Variants in IGF2BP2 observed in about 807,000 individuals in gnomAD.
IGF2BP2 encodes the protein insulin-like growth factor 2 mRNA-binding protein 2.
Under a neutral mutation model 75.8 loss-of-function variants are expected in IGF2BP2, and 17 were observed. That is an observed-to-expected ratio of 0.22 (90% CI 0.15 to 0.34). IGF2BP2 has a LOEUF of 0.34. Among genes scored for constraint, IGF2BP2 ranks in the 10% least tolerant of loss-of-function variants. The pLI, the probability that IGF2BP2 is intolerant of heterozygous loss-of-function variation, is 1.00. For synonymous variants in IGF2BP2, 288 were observed against 295.6 expected (o/e 0.97, Z 0.26); for missense variants, 516 against 772.4 (o/e 0.67, Z 3.93).
intron 2 of IGF2BP2, among the ~76,000 whole-genome samples, chr3:185,718,675 ACT>A (rs1289968939): frequency 8.8e-6 from 1 of 113,388 alleles, no homozygotes; most frequent in Non-Finnish European, 1.7e-5. Context: ...ACAGAGCGAG[ACT>A]CTGTCTCAAA....
At chr3:185,822,790 T>A (rs1269865227) in intron 2 of IGF2BP2, among the ~76,000 whole-genome samples, 1 of 151,988 alleles carries the variant, frequency 6.6e-6, no homozygotes, top group Non-Finnish European at 1.5e-5. Flanking sequence ...ATATTTACTC[T>A]TCACATCTCA....
intron 9 of IGF2BP2, among the ~76,000 whole-genome samples, chr3:185,673,280 C>T (rs984248169): frequency 3.3e-5 from 5 of 152,198 alleles, no homozygotes; most frequent in African/African-American, 1.2e-4. Context: ...TACTTAGTGT[C>T]GTGTTCTCAG....
chr3:185,652,302 G>A, intron 12 of IGF2BP2, 134 bp from the exon 13 acceptor site: 1 of 710,292 alleles, frequency 1.4e-6, no homozygotes, highest in Non-Finnish European at 2.3e-6. Flanking sequence ...GGTTCTGTCT[G>A]ATGCCATGCT....
At chr3:185,808,319 A>G (rs1040358965) in intron 2 of IGF2BP2, among the ~76,000 whole-genome samples, 3 of 110,646 alleles carry the variant, frequency 2.7e-5, no homozygotes, top group African/African-American at 1.9e-4. Context: ...TACTAAAAAT[A>G]CAAAAAAAAA....
intron 2 of IGF2BP2, among the ~76,000 whole-genome samples, chr3:185,725,523 C>T (rs866298661): frequency 6.6e-6 from 1 of 152,082 alleles, no homozygotes; most frequent in African/African-American, 2.4e-5. Context: ...GAACTACTAG[C>T]GGAACTTGAC....
chr3:185,712,918 T>A (rs1023662466), intron 2 of IGF2BP2, among the ~76,000 whole-genome samples: 2 of 152,110 alleles, frequency 1.3e-5, no homozygotes, highest in African/African-American at 4.8e-5. Context: ...ATTTCTTCCC[T>A]CTCCTAAAAC....
At chr3:185,779,289 A>T (rs1391639322) in intron 2 of IGF2BP2, among the ~76,000 whole-genome samples, 1 of 152,212 alleles carries the variant, frequency 6.6e-6, no homozygotes, top group Non-Finnish European at 1.5e-5. Flanking sequence ...TTCTATTTTC[A>T]AAGTGTATTG....
At chr3:185,702,872 G>A in intron 2 of IGF2BP2, among the ~76,000 whole-genome samples, 1 of 152,212 alleles carries the variant, frequency 6.6e-6, no homozygotes, top group East Asian at 1.9e-4. Context: ...GCAGGAACAT[G>A]TCTTTATTTC....
At chr3:185,721,383 G>A (rs1231365297) in intron 2 of IGF2BP2, among the ~76,000 whole-genome samples, 1 of 151,854 alleles carries the variant, frequency 6.6e-6, no homozygotes. Context: ...TGTATTTCTA[G>A]TAGAGACGGG....
At chr3:185,767,777 G>A (rs1466833565) in intron 2 of IGF2BP2, 1 of 154,106 alleles carries the variant, frequency 6.5e-6, no homozygotes, top group Non-Finnish European at 1.5e-5. Context: ...ATGATTTCAT[G>A]TACTGTTCAG....
chr3:185,768,975 T>G (rs978369115), intron 2 of IGF2BP2, among the ~76,000 whole-genome samples: 30 of 152,250 alleles, frequency 2.0e-4, no homozygotes, highest in African/African-American at 6.7e-4. Flanking sequence ...TGCAGTGAGC[T>G]GAGATTACGC....
At chr3:185,663,755 C>T (rs1435619438) in intron 10 of IGF2BP2, among the ~76,000 whole-genome samples, 1 of 152,052 alleles carries the variant, frequency 6.6e-6, no homozygotes, top group Non-Finnish European at 1.5e-5. Flanking sequence ...ATCTTTATTA[C>T]TTATTTTCTT....
intron 10 of IGF2BP2, among the ~76,000 whole-genome samples, chr3:185,662,829 C>A (rs1716687242): frequency 6.6e-6 from 1 of 152,026 alleles, no homozygotes. Context: ...AGGCTTGAGC[C>A]ACTGCAGCTG....
intron 2 of IGF2BP2, among the ~76,000 whole-genome samples, chr3:185,773,184 A>C (rs1307281554): frequency 3.3e-5 from 5 of 152,210 alleles, no homozygotes; most frequent in African/African-American, 9.6e-5. Flanking sequence ...ATAGCTGGCC[A>C]CATTTTTATA....
At chr3:185,683,116 A>G (rs1720626714) in intron 7 of IGF2BP2, among the ~76,000 whole-genome samples, 1 of 152,236 alleles carries the variant, frequency 6.6e-6, no homozygotes, top group Admixed American at 6.5e-5. Context: ...TGGCCATAAA[A>G]AGGAAGGAAA....
chr3:185,696,352 G>T lies in IGF2BP2; in HGVS notation c.340+260C>A, dbSNP rs528705182. On this transcript the variant is annotated intron_variant, in intron 4 of 15. Coordinates refer to ENST00000382199, the MANE Select transcript of IGF2BP2 (RefSeq NM_006548.6). ...AGCCTGACAGCGTTTGTCAGTGCTT[G>T]AGCACACTGCACAGTATATGAGAAA... 1.9e-5 allele frequency: 8 copies of T among 429,220 alleles called. No individual in the cohort carries two copies. The East Asian group carries it at 2.9e-4, about 15-fold the overall frequency. The allele number at this position is 429,220 out of a possible 1,614,324, so 26.6% of individuals were successfully genotyped here. A position where few individuals can be genotyped will look rare whatever the true frequency, so the allele number is the denominator to read the frequency against.
chr3:185,688,856 A>G (rs1008829869), intron 6 of IGF2BP2, among the ~76,000 whole-genome samples: 2 of 152,236 alleles, frequency 1.3e-5, no homozygotes, highest in African/African-American at 4.8e-5. Context: ...ACCAACTCTT[A>G]CAATCAGTTC....
chr3:185,677,068 T>TATATATATATTATAGAGAGAG, intron 7 of IGF2BP2, among the ~76,000 whole-genome samples: 1 of 35,876 alleles, frequency 2.8e-5, no homozygotes, highest in African/African-American at 1.6e-4. Context: ...TATATATATA[T>TATATATATATTATAGAGAGAG]AGAGAGAGAG....
chr3:185,812,816 A>T (rs1740085862), intron 2 of IGF2BP2, among the ~76,000 whole-genome samples: 1 of 152,228 alleles, frequency 6.6e-6, no homozygotes, highest in African/African-American at 2.4e-5. Flanking sequence ...TCTCCTTGGA[A>T]TCCTAAGGCT....
Sources: allele counts gnomAD v4.1 joint callset (sites outside exome capture counted in the v4.1 genomes callset), GRCh38; gene constraint gnomAD v4.1.1; transcripts MANE v1.5; gene names NCBI Gene and HGNC (gene_info 2026-07-23, HGNC 2026-07-21).